CPQ: variants seen among roughly 807,000 people sequenced by gnomAD.
The protein encoded by CPQ is carboxypeptidase Q, also known as Ser-Met dipeptidase.
Under a neutral mutation model 45.7 loss-of-function variants are expected in CPQ, and 37 were observed. The ratio of observed to expected loss-of-function variants is 0.81; its 90% CI spans 0.62 to 1.07. The LOEUF (loss-of-function observed/expected upper bound fraction) is 1.07. CPQ is among the 50% of genes least tolerant of loss of function. The pLI is 0.00. For missense variants in CPQ, 537 were observed against 572.9 expected (o/e 0.94, Z 0.64); for synonymous variants, 186 against 205.8 (o/e 0.90, Z 0.82).
chr8:96,665,260 C>T (rs948938382), intron 1 of CPQ, among the ~76,000 whole-genome samples: 3 of 152,046 alleles, frequency 2.0e-5, no homozygotes, highest in Non-Finnish European at 2.9e-5. Flanking sequence ...TTGGCTAGGG[C>T]AGACAAAAGA....
chr8:96,744,701 G>A (rs1810151917), intron 1 of CPQ, among the ~76,000 whole-genome samples: 1 of 151,848 alleles, frequency 6.6e-6, no homozygotes, highest in East Asian at 1.9e-4. Context: ...TTAAATTTTT[G>A]TATGTTAAGC....
intron 3 of CPQ, among the ~76,000 whole-genome samples, chr8:96,850,079 T>C (rs952054082): frequency 6.6e-6 from 1 of 152,238 alleles, no homozygotes; most frequent in African/African-American, 2.4e-5. Flanking sequence ...TTGATCTCCG[T>C]AGGTCCCCCC....
At chr8:96,981,659 A>G (rs1813898131) in intron 5 of CPQ, among the ~76,000 whole-genome samples, 1 of 152,230 alleles carries the variant, frequency 6.6e-6, no homozygotes, top group Non-Finnish European at 1.5e-5. Flanking sequence ...GAAACCTTAC[A>G]GTATTTTGTT....
At chr8:96,985,666 CTCAA>C (rs879787703) in intron 5 of CPQ, among the ~76,000 whole-genome samples, 3 of 152,122 alleles carry the variant, frequency 2.0e-5, no homozygotes, top group South Asian at 4.1e-4. Flanking sequence ...TTCAGTGATC[CTCAA>C]TCAGTTTACC....
At chr8:97,125,064 G>A (rs1811824528) in intron 7 of CPQ, among the ~76,000 whole-genome samples, 1 of 152,052 alleles carries the variant, frequency 6.6e-6, no homozygotes, top group Admixed American at 6.6e-5. Context: ...TGTGAAACAG[G>A]ACACATGACT....
At chr8:97,005,341 A>G (rs1035702782) in intron 5 of CPQ, among the ~76,000 whole-genome samples, 8 of 151,654 alleles carry the variant, frequency 5.3e-5, no homozygotes, top group African/African-American at 1.7e-4. Context: ...CAGCCTCCCA[A>G]AATGCTGGGA....
intron 1 of CPQ, among the ~76,000 whole-genome samples, chr8:96,763,238 T>C (rs1454597806): frequency 2.0e-5 from 3 of 152,208 alleles, no homozygotes. Flanking sequence ...GTCAGGACTT[T>C]AACATATGAA....
At chr8:96,727,966 C>T (rs971884740) in intron 1 of CPQ, among the ~76,000 whole-genome samples, 5 of 152,198 alleles carry the variant, frequency 3.3e-5, no homozygotes, top group Non-Finnish European at 7.4e-5. Context: ...CTGGATTCAA[C>T]CCATAGGTCG....
At chr8:96,908,106 ACGTGTGTG>A (rs1812602080) in intron 4 of CPQ, among the ~76,000 whole-genome samples, 1 of 75,278 alleles carries the variant, frequency 1.3e-5, no homozygotes, top group African/African-American at 5.5e-5. Context: ...CCCCACTGCA[ACGTGTGTG>A]TGTGTGTGTG....
intron 2 of CPQ, among the ~76,000 whole-genome samples, chr8:96,828,485 A>G (rs576649475): frequency 6.3e-4 from 95 of 151,918 alleles, no homozygotes; most frequent in Non-Finnish European, 1.3e-3. Flanking sequence ...CCAGCTTCCC[A>G]GGGAAGCTAG....
At chr8:96,720,472 A>G (rs548485396) in intron 1 of CPQ, among the ~76,000 whole-genome samples, 31 of 152,294 alleles carry the variant, frequency 2.0e-4, no homozygotes, top group Admixed American at 3.9e-4. Context: ...TTAGATAGGC[A>G]TGGTTTTATG....
chr8:96,897,649 A>G (rs1812460796), intron 4 of CPQ, among the ~76,000 whole-genome samples: 2 of 152,184 alleles, frequency 1.3e-5, no homozygotes, highest in Admixed American at 1.3e-4. Context: ...AACATAAATT[A>G]ATTTTGTGTT....
At chr8:96,645,450 G>A (rs973477121) in intron 1 of CPQ, 48 bp downstream of exon 1, 1 of 152,626 alleles carries the variant, frequency 6.6e-6, no homozygotes, top group Admixed American at 6.5e-5. Context: ...CTGGGCCGAG[G>A]CCTTGGCTCC....
chr8:96,863,518 G>A (rs1487345182), intron 3 of CPQ, among the ~76,000 whole-genome samples: 1 of 152,004 alleles, frequency 6.6e-6, no homozygotes, highest in Non-Finnish European at 1.5e-5. Context: ...TGGTGAAGGT[G>A]AGGGTAAAGG....
chr8:97,069,470 T>TC (rs1161297065), intron 7 of CPQ, among the ~76,000 whole-genome samples: 16 of 124,674 alleles, frequency 1.3e-4, no homozygotes, highest in African/African-American at 4.1e-4. Flanking sequence ...CATCTGTCTC[T>TC]AAAAAAAAAA....
intron 7 of CPQ, among the ~76,000 whole-genome samples, chr8:97,122,951 TA>T (rs1354851835): frequency 3.3e-5 from 2 of 60,870 alleles, no homozygotes; most frequent in African/African-American, 2.1e-4. Context: ...TAAAATAAAA[TA>T]AAATAAAATA....
At chr8:97,040,233 C>A (rs72606684) in intron 6 of CPQ, among the ~76,000 whole-genome samples, 110,711 of 151,886 alleles carry the variant, frequency 0.73, 40,570 homozygotes, top group African/African-American at 0.79. Flanking sequence ...CTGATGGCCA[C>A]TGATGGTGAG....
intron 4 of CPQ, among the ~76,000 whole-genome samples, chr8:96,964,016 C>CTGTAT (rs1813508838): frequency 2.0e-5 from 3 of 151,050 alleles, no homozygotes; most frequent in Middle Eastern, 3.4e-3. Flanking sequence ...TATATTATTG[C>CTGTAT]TATGGAGTGT....
intron 6 of CPQ, among the ~76,000 whole-genome samples, chr8:97,050,391 A>G (rs1749518111): frequency 6.6e-6 from 1 of 152,216 alleles, no homozygotes; most frequent in Admixed American, 6.5e-5. Flanking sequence ...AATACAATAC[A>G]ATGAATATGT....
Sources: gnomAD v4.1 joint callset for allele counts (sites outside exome capture counted in the v4.1 genomes callset) on GRCh38, gnomAD v4.1.1 for gene constraint, MANE v1.5 for transcripts, NCBI Gene and HGNC (gene_info 2026-07-23, HGNC 2026-07-21) for gene names.